Variants in BRIP1 observed in about 807,000 individuals in gnomAD.
BRIP1 encodes the protein Fanconi anemia group J protein.
A neutral mutation model predicts 119.7 loss-of-function variants in BRIP1; 88 were observed. That is an observed-to-expected ratio of 0.74 (90% CI 0.62 to 0.88). The LOEUF is 0.88. Ranked by LOEUF, BRIP1 falls within the 40% of genes least tolerant of loss-of-function variation. BRIP1 has a pLI of 0.00. For synonymous variants in BRIP1, 443 were observed against 496.5 expected, an observed-to-expected ratio of 0.89 and a Z score of 1.43; for missense variants, 1,259 against 1,455.4, an observed-to-expected ratio of 0.87 and a Z score of 2.20.
rs749252174 is a variant in BRIP1 at position 61,841,556 on chromosome 17, G to A, written c.627+5545C>T. On this transcript the variant is annotated intron_variant, in intron 6 of 19. Transcript: ENST00000259008. The surrounding 1 kb of genome is among the most constrained non-coding windows in gnomAD (Gnocchi z 4.1). The stretch of plus-strand genomic sequence containing the variant: ...GAAAAGACAAAAAAAAATAACAAAT[G>A]TTAGTGACGATGTGGAGAAGAAACT... 6.6e-6 allele frequency among the ~76,000 whole-genome samples: 1 copy of A among 152,038 alleles called. No individual in the cohort carries two copies. Among genetic ancestry groups the A allele is most frequent in the Non-Finnish European group, 1.5e-5 (1 of 67,998 alleles).
rs905399351 is a variant in BRIP1, at chr17:61,851,463, T to C, written c.380-2207A>G. On this transcript the variant is annotated intron_variant, in intron 4 of 19. Transcript: ENST00000259008. The surrounding 1 kb of genome is among the most constrained non-coding windows in gnomAD (Gnocchi z 4.6). ...TTTTGTATATGGTATAAAGTAGGGC[T>C]CCAATTTCAATTTTTTCCATATGGA... 6.6e-6 allele frequency among the ~76,000 whole-genome samples: 1 copy of C among 152,114 alleles called. No homozygotes were observed. Among genetic ancestry groups the C allele is most frequent in the African/African-American group, 2.4e-5 (1 of 41,428 alleles).
At chr17:61,723,500 A>C (rs1163701893) in intron 16 of BRIP1, among the ~76,000 whole-genome samples, 1 of 152,190 alleles carries the variant, frequency 6.6e-6, no homozygotes, top group Non-Finnish European at 1.5e-5. Flanking sequence ...ATAATCTAAC[A>C]ACATTATACC....
chr17:61,749,307 GAA>G (rs1008600589), intron 14 of BRIP1, among the ~76,000 whole-genome samples: 2 of 151,062 alleles, frequency 1.3e-5, no homozygotes, highest in African/African-American at 4.9e-5. Context: ...AAAGTAAAGG[GAA>G]AAAAAAGAGT....
chr17:61,860,152 T>C lies in BRIP1; in HGVS notation c.94-245A>G, dbSNP rs1332867702. ...AAAAGAGGAATCTGTGCCAGAATTA[T>C]GCAAGCATCAATGATTTCTGTAAAA... On this transcript the variant is annotated intron_variant, in intron 2 of 19. Coordinates refer to ENST00000259008, the MANE Select transcript of BRIP1 (RefSeq NM_032043.3). The surrounding 1 kb of genome is among the most constrained non-coding windows in gnomAD (Gnocchi z 4.1). 6.6e-6 allele frequency among the ~76,000 whole-genome samples: 1 copy of C among 152,236 alleles called. No homozygotes were observed. The highest frequency in any genetic ancestry group is 2.4e-5 in the African/African-American group (1 of 41,464).
rs2077274387 is a variant in BRIP1, at chr17:61,761,366, C to G, written c.2097+15035G>C. Among the ~76,000 whole-genome samples, 1 of 151,962 alleles carries G rather than the reference C, an allele frequency of 6.6e-6. No individual in the cohort carries two copies. Among genetic ancestry groups the G allele is most frequent in the Non-Finnish European group, 1.5e-5 (1 of 67,930 alleles). Reference sequence around the variant, plus strand: ...ATCTGGAACAAGACAAGGATGCCCACTTTCACTATGTCCACTTAACACAGT... The same window carrying G: ...ATCTGGAACAAGACAAGGATGCCCAGTTTCACTATGTCCACTTAACACAGT... On this transcript the variant is annotated intron_variant, in intron 14 of 19. Coordinates refer to ENST00000259008, the MANE Select transcript of BRIP1 (RefSeq NM_032043.3). The surrounding 1 kb of genome is among the most constrained non-coding windows in gnomAD (Gnocchi z 6.4).
chr17:61,785,709 T>C (rs971748645), intron 10 of BRIP1, among the ~76,000 whole-genome samples: 1 of 152,088 alleles, frequency 6.6e-6, no homozygotes, highest in Non-Finnish European at 1.5e-5. Flanking sequence ...TTTTGAAAAA[T>C]GAAGTCCCCT....
At position 61,759,215 on chromosome 17, in the gene BRIP1, A is replaced by T. The variant is rs1334191199; in HGVS notation, c.2098-14624T>A. On this transcript the variant is annotated intron_variant, in intron 14 of 19. Transcript: ENST00000259008. This position sits in a 1 kb window ranked among gnomAD's most constrained non-coding sequence, Gnocchi z 4.9. ...GCTTTTAAGGATGCACAGAGGCTGA[A>T]AGTGAGCAGCTGAAAAAAGCTATTC... 6.6e-6 allele frequency among the ~76,000 whole-genome samples: 1 copy of T among 152,126 alleles called. No homozygotes were observed. The highest frequency in any genetic ancestry group is 1.5e-5 in the Non-Finnish European group (1 of 68,022).
chr17:61,826,432 C>T (rs146932074), intron 6 of BRIP1, among the ~76,000 whole-genome samples: 11 of 152,012 alleles, frequency 7.2e-5, no homozygotes, highest in Middle Eastern at 3.4e-3. Context: ...GCACAGCAAA[C>T]GAAACTATCA....
chr17:61,780,175 C>T lies in BRIP1; in HGVS notation c.1935+86G>A, dbSNP rs1329380025. 1.2e-5 allele frequency: 16 copies of T among 1,379,356 alleles called. No individual in the cohort carries two copies. The highest frequency in any genetic ancestry group is 1.6e-5 in the Non-Finnish European group (16 of 987,790). The allele number at this position is 1,379,356 out of a possible 1,614,324, so 85.4% of individuals were successfully genotyped here. On this transcript the variant is annotated intron_variant, in intron 13 of 19. Transcript: ENST00000259008. The surrounding 1 kb of genome is among the most constrained non-coding windows in gnomAD (Gnocchi z 5.4). ...TTTCCTACCAAGATTTACTTGCTGGCACTTCAGGTATCTTCTAACTTGTTT... is the reference window on the plus strand; with the variant it reads ...TTTCCTACCAAGATTTACTTGCTGGTACTTCAGGTATCTTCTAACTTGTTT...
Position 61,830,711 on chromosome 17 carries a change from C to T in BRIP1, c.627+16390G>A, listed in dbSNP as rs184796139. On this transcript the variant is annotated intron_variant, in intron 6 of 19. Coordinates refer to ENST00000259008, the MANE Select transcript of BRIP1 (RefSeq NM_032043.3). ...AAAATAACACATAAGGGCAAGATGG[C>T]TTCCCTGGTGAATTCTATCAAAAAT... 1.6e-4 allele frequency among the ~76,000 whole-genome samples: 24 copies of T among 152,274 alleles called. No individual in the cohort carries two copies. The East Asian group carries it at 4.6e-3, about 29-fold the overall frequency.
At position 61,841,466 on chromosome 17, in the gene BRIP1, T is replaced by A. The variant is rs781320193; in HGVS notation, c.627+5635A>T. ...AAAAAATGCTGAACATCACTAATCA[T>A]CAGGGAAATATAAATCAAAAGCACA... On this transcript the variant is annotated intron_variant, in intron 6 of 19. Coordinates refer to ENST00000259008, the MANE Select transcript of BRIP1 (RefSeq NM_032043.3). This position sits in a 1 kb window ranked among gnomAD's most constrained non-coding sequence, Gnocchi z 4.1. Among the ~76,000 whole-genome samples, 1 of 151,936 alleles carries A rather than the reference T, an allele frequency of 6.6e-6. No homozygotes were observed. Among genetic ancestry groups the A allele is most frequent in the East Asian group, 1.9e-4 (1 of 5,170 alleles).
chr17:61,802,007 AAAGT>A lies in BRIP1; in HGVS notation c.919-537_919-534del, dbSNP rs2078004158. ...TGGAATGTCCTAAGGGGAAAAAAAG[AAAGT>A]AAGAGTATTCACTACAAAATATTCA... On this transcript the variant is annotated intron_variant, in intron 7 of 19. Coordinates refer to ENST00000259008, the MANE Select transcript of BRIP1 (RefSeq NM_032043.3). This position sits in a 1 kb window ranked among gnomAD's most constrained non-coding sequence, Gnocchi z 6.0. 6.6e-6 allele frequency among the ~76,000 whole-genome samples: 1 copy of A among 152,230 alleles called. No homozygotes were observed. The highest frequency in any genetic ancestry group is 2.4e-5 in the African/African-American group (1 of 41,474).
In BRIP1 at chr17:61,769,069, TCTCA is replaced by T. The variant is rs1250416852; in HGVS notation, c.2097+7328_2097+7331del. ...CCAACAGCCCGCAAAAGACTGGGTA[TCTCA>T]CTCAGTCCTACGACTACAAGGGATA... On this transcript the variant is annotated intron_variant, in intron 14 of 19. Coordinates refer to ENST00000259008, the MANE Select transcript of BRIP1 (RefSeq NM_032043.3). The surrounding 1 kb of genome is among the most constrained non-coding windows in gnomAD (Gnocchi z 4.9). Among the ~76,000 whole-genome samples, 1 of 152,122 alleles carries T rather than the reference TCTCA, an allele frequency of 6.6e-6. No homozygotes were observed. Among genetic ancestry groups the T allele is most frequent in the Non-Finnish European group, 1.5e-5 (1 of 68,020 alleles).
chr17:61,735,002 CTACTTA>C lies in BRIP1; in HGVS notation c.2379+8005_2379+8010del, dbSNP rs1361932756. ...TAAATTTTTATTTACTAAATAACTT[CTACTTA>C]TTAGACTATTAATGTAAAAGAAAAC... On this transcript the variant is annotated intron_variant, in intron 16 of 19. Coordinates refer to ENST00000259008, the MANE Select transcript of BRIP1 (RefSeq NM_032043.3). This position sits in a 1 kb window ranked among gnomAD's most constrained non-coding sequence, Gnocchi z 4.4. Among the ~76,000 whole-genome samples the C allele has an allele frequency of 6.6e-6, 1 of 152,096 alleles. No homozygotes were observed. Among genetic ancestry groups the C allele is most frequent in the Non-Finnish European group, 1.5e-5 (1 of 68,006 alleles).
chr17:61,716,569 T>C (rs1461846229), intron 16 of BRIP1, among the ~76,000 whole-genome samples: 1 of 152,188 alleles, frequency 6.6e-6, no homozygotes, highest in East Asian at 1.9e-4. Flanking sequence ...TAGAATTCAT[T>C]CATGTTGAAA....
chr17:61,725,225 A>G lies in BRIP1; in HGVS notation c.2380-9162T>C, dbSNP rs530668016. 1.0e-3 allele frequency among the ~76,000 whole-genome samples: 156 copies of G among 152,292 alleles called. No individual in the cohort carries two copies. Among genetic ancestry groups the G allele is most frequent in the South Asian group, 8.1e-3 (39 of 4,822 alleles). On this transcript the variant is annotated intron_variant, in intron 16 of 19. Transcript: ENST00000259008. This position sits in a 1 kb window ranked among gnomAD's most constrained non-coding sequence, Gnocchi z 5.3. Reference sequence around the variant, plus strand: ...AAGCCAGGCTCCCTTTTAAATAAGAATAATAATGATAAAAGCACATTAGAA... The same window carrying G: ...AAGCCAGGCTCCCTTTTAAATAAGAGTAATAATGATAAAAGCACATTAGAA...
chr17:61,751,359 A>C lies in BRIP1; in HGVS notation c.2098-6768T>G, dbSNP rs2077128919. On this transcript the variant is annotated intron_variant, in intron 14 of 19. Transcript: ENST00000259008. The surrounding 1 kb of genome is among the most constrained non-coding windows in gnomAD (Gnocchi z 6.7). The stretch of plus-strand genomic sequence containing the variant: ...GCTAAACAGGAGTCATTGTTCCATC[A>C]GTACAGTTTCTGACTGGGATGATTG... Among the ~76,000 whole-genome samples, 2 of 152,218 alleles carry C rather than the reference A, an allele frequency of 1.3e-5. No individual in the cohort carries two copies. The highest frequency in any genetic ancestry group is 1.3e-4 in the Admixed American group (2 of 15,278).
intron 17 of BRIP1, among the ~76,000 whole-genome samples, chr17:61,702,918 C>T (rs2061635819): frequency 6.6e-6 from 1 of 151,872 alleles, no homozygotes; most frequent in Admixed American, 6.6e-5. Context: ...ATTTACATTC[C>T]CACCAGCAGT....
chr17:61,786,791 T>C (rs2077716363), intron 10 of BRIP1, among the ~76,000 whole-genome samples: 2 of 132,104 alleles, frequency 1.5e-5, no homozygotes, highest in African/African-American at 5.6e-5. Context: ...TATAATATAG[T>C]ATATATTATA....
Sources: gnomAD v4.1 joint callset for allele counts (sites outside exome capture counted in the v4.1 genomes callset) on GRCh38, gnomAD v4.1.1 for gene constraint, Gnocchi (gnomAD v3.1) non-coding constraint, MANE v1.5 for transcripts, NCBI Gene and HGNC (gene_info 2026-07-23, HGNC 2026-07-21) for gene names.